The following AGFG1 variants were observed in gnomAD, a reference collection of about 807,000 sequenced individuals.
AGFG1 encodes arf-GAP domain and FG repeat-containing protein 1.
AGFG1 carries 10 observed loss-of-function variants against 60.6 expected under a neutral mutation model. The ratio of observed to expected loss-of-function variants is 0.16; its 90% CI spans 0.10 to 0.28. The LOEUF (loss-of-function observed/expected upper bound fraction) is 0.28, where lower values mean the gene tolerates loss of function less well. Ranked by LOEUF, AGFG1 falls within the 10% of genes least tolerant of loss-of-function variation. The probability of loss-of-function intolerance (pLI) is 1.00; values close to 1 mark genes in which losing one functional copy is unlikely to be tolerated. For missense variants in AGFG1, 537 were observed against 676.5 expected, an observed-to-expected ratio of 0.79 and a Z score of 2.29; for synonymous variants, 247 against 242.9, an observed-to-expected ratio of 1.02 and a Z score of -0.16.
intron 1 of AGFG1, among the ~76,000 whole-genome samples, chr2:227,477,925 A>C (rs1030433267): frequency 6.6e-6 from 1 of 152,088 alleles, no homozygotes; most frequent in Non-Finnish European, 1.5e-5. Flanking sequence ...TAGATATTTT[A>C]TGATGCATCA....
intron 2 of AGFG1, among the ~76,000 whole-genome samples, chr2:227,492,939 T>A (rs544592315): frequency 6.6e-6 from 1 of 152,118 alleles, no homozygotes; most frequent in Non-Finnish European, 1.5e-5. Flanking sequence ...GTTACTTTCT[T>A]AGAATGTTGG....
chr2:227,494,433 A>G (rs946094125), intron 2 of AGFG1, among the ~76,000 whole-genome samples: 1 of 152,232 alleles, frequency 6.6e-6, no homozygotes, highest in African/African-American at 2.4e-5. Flanking sequence ...AGGCTCTATC[A>G]TACATCTTGT....
At chr2:227,483,178 C>G (rs78048873) in intron 1 of AGFG1, among the ~76,000 whole-genome samples, 8,230 of 151,634 alleles carry the variant, frequency 0.054, 289 homozygotes, top group African/African-American at 0.09. Flanking sequence ...AGGGCTTTAG[C>G]AAAAAAGGGA....
At chr2:227,510,533 G>A (rs1691464761) in intron 2 of AGFG1, among the ~76,000 whole-genome samples, 4 of 146,734 alleles carry the variant, frequency 2.7e-5, no homozygotes, top group African/African-American at 1.1e-4. Flanking sequence ...TGTCTTGGTG[G>A]AGGGGTGAGT....
In AGFG1 at chr2:227,535,038, A is replaced by G; in HGVS notation, c.1205+13A>G. 1.9e-6 allele frequency: 3 copies of G among 1,573,112 alleles called. No homozygotes were observed. The highest frequency in any genetic ancestry group is 2.6e-6 in the Non-Finnish European group (3 of 1,156,764). Reference sequence around the variant, plus strand: ...GTAATGCTAGCAGGTACCTTGTCTTAGCTAGCCCTCCTGCTTTGTGTTTTA... The same window carrying G: ...GTAATGCTAGCAGGTACCTTGTCTTGGCTAGCCCTCCTGCTTTGTGTTTTA... On this transcript the variant is annotated intron_variant, in intron 8 of 12. Transcript: ENST00000310078.
intron 2 of AGFG1, among the ~76,000 whole-genome samples, chr2:227,512,067 C>T (rs983971583): frequency 1.3e-5 from 2 of 152,102 alleles, no homozygotes; most frequent in Non-Finnish European, 2.9e-5. Context: ...TTTAAAGAAA[C>T]CCTAGGACAA....
At chr2:227,502,555 A>G (rs987170105) in intron 2 of AGFG1, among the ~76,000 whole-genome samples, 9 of 152,094 alleles carry the variant, frequency 5.9e-5, no homozygotes, top group African/African-American at 2.2e-4. Flanking sequence ...TCCTGACCTC[A>G]GGTGATCCAC....
rs368982901 is a variant in AGFG1, at chr2:227,532,168, T to C, written c.814+958T>C. 356 of 1,549,366 alleles carry C rather than the reference T, an allele frequency of 2.3e-4. 1 individual carries two copies. The African/African-American group carries it at 4.4e-3, about 19-fold the overall frequency. On this transcript the variant is annotated intron_variant, in intron 6 of 12. Transcript: ENST00000310078. ...AGAATGCTTTCATCTAGCTGCAGTT[T>C]TGGTGAATTTACTTCAGCTTTTCCT...
chr2:227,477,186 C>T (rs954820053), intron 1 of AGFG1, among the ~76,000 whole-genome samples: 1 of 152,184 alleles, frequency 6.6e-6, no homozygotes, highest in Non-Finnish European at 1.5e-5. Flanking sequence ...CAGGCATGAG[C>T]CACCTCGCCT....
At chr2:227,510,799 C>T (rs1357703309) in intron 2 of AGFG1, 1 of 152,170 alleles carries the variant, frequency 6.6e-6, no homozygotes, top group Non-Finnish European at 1.5e-5. Flanking sequence ...CTGCCCTTTA[C>T]TAAGTCCTTA....
At chr2:227,503,264 C>T (rs563345897) in intron 2 of AGFG1, among the ~76,000 whole-genome samples, 16 of 151,526 alleles carry the variant, frequency 1.1e-4, no homozygotes, top group East Asian at 3.9e-4. Context: ...AAGAAATGAC[C>T]GTATAATTAC....
intron 2 of AGFG1, among the ~76,000 whole-genome samples, chr2:227,506,876 G>A (rs1486608658): frequency 2.6e-5 from 4 of 152,064 alleles, no homozygotes; most frequent in Admixed American, 2.0e-4. Flanking sequence ...TAGTGTCAAC[G>A]TTCCTCTGTT....
At chr2:227,532,988 T>C (rs1575104223) in intron 6 of AGFG1, among the ~76,000 whole-genome samples, 2 of 152,348 alleles carry the variant, frequency 1.3e-5, no homozygotes, top group East Asian at 3.9e-4. Context: ...CATCTTGATA[T>C]TGTATACACA....
At chr2:227,522,724 A>G (rs893255001) in intron 3 of AGFG1, among the ~76,000 whole-genome samples, 7 of 152,216 alleles carry the variant, frequency 4.6e-5, no homozygotes, top group African/African-American at 1.4e-4. Flanking sequence ...CACCTACTTC[A>G]TATGGGGAAT....
chr2:227,536,578 T>C (rs766841730), intron 8 of AGFG1, 47 bp from the exon 9 acceptor site: 7 of 1,152,316 alleles, frequency 6.1e-6, no homozygotes, highest in Non-Finnish European at 8.6e-6. Flanking sequence ...CGTTACTTTC[T>C]TTTTTTTTTA....
chr2:227,528,663 C>G (rs908544934), intron 5 of AGFG1, among the ~76,000 whole-genome samples: 2 of 152,052 alleles, frequency 1.3e-5, no homozygotes, highest in Non-Finnish European at 2.9e-5. Flanking sequence ...ATTTCTTGTT[C>G]CCTTTGTTTT....
intron 4 of AGFG1, among the ~76,000 whole-genome samples, chr2:227,524,430 T>C (rs1269956487): frequency 6.6e-6 from 1 of 152,198 alleles, no homozygotes; most frequent in Non-Finnish European, 1.5e-5. Flanking sequence ...TTTTCATAAG[T>C]TGCTACCTAA....
chr2:227,500,857 A>G (rs1691133397), intron 2 of AGFG1, among the ~76,000 whole-genome samples: 1 of 151,988 alleles, frequency 6.6e-6, no homozygotes, highest in Admixed American at 6.6e-5. Context: ...CAGTGGCATG[A>G]TCTTGGCTCA....
chr2:227,535,078 C>T (rs1180854837), intron 8 of AGFG1, 53 bp downstream of exon 8: 1 of 1,396,216 alleles, frequency 7.2e-7, no homozygotes, highest in African/African-American at 1.5e-5. Context: ...TTTTTTCCAA[C>T]TTTGAATAAT....
Sources: gnomAD v4.1 joint callset for allele counts (sites outside exome capture counted in the v4.1 genomes callset) on GRCh38, gnomAD v4.1.1 for gene constraint, MANE v1.5 for transcripts, NCBI Gene and HGNC (gene_info 2026-07-23, HGNC 2026-07-21) for gene names.